ENPP2: variants seen among roughly 807,000 people sequenced by gnomAD.
The protein encoded by ENPP2 is ectonucleotide pyrophosphatase/phosphodiesterase 2.
In ENPP2, 51 loss-of-function variants were observed where a neutral mutation model predicts 120.2. The ratio of observed to expected loss-of-function variants is 0.42; its 90% CI spans 0.34 to 0.54. The LOEUF (loss-of-function observed/expected upper bound fraction) is 0.54. Among genes scored for constraint, ENPP2 ranks in the 20% least tolerant of loss-of-function variants. The probability of loss-of-function intolerance (pLI) is 0.04; values close to 1 mark genes in which losing one functional copy is unlikely to be tolerated. For missense variants in ENPP2, 920 were observed against 1,066.5 expected (o/e 0.86, Z 1.91); for synonymous variants, 365 against 366.4 (o/e 1.00, Z 0.04).
chr8:119,584,958 C>A (rs1287159853), intron 15 of ENPP2, among the ~76,000 whole-genome samples: 1 of 152,140 alleles, frequency 6.6e-6, no homozygotes, highest in Non-Finnish European at 1.5e-5. Context: ...CTCAACAATG[C>A]AAGATGAGTT....
At chr8:119,599,603 A>C (rs1340028256) in intron 11 of ENPP2, among the ~76,000 whole-genome samples, 1 of 152,224 alleles carries the variant, frequency 6.6e-6, no homozygotes, top group Non-Finnish European at 1.5e-5. Context: ...TATGCTGAAA[A>C]TGTGGGAACA....
chr8:119,580,210 A>C, intron 18 of ENPP2, 43 bp from the exon 19 acceptor site: 1 of 1,516,230 alleles, frequency 6.6e-7, no homozygotes, highest in Non-Finnish European at 9.2e-7. Flanking sequence ...AAAGCAAATC[A>C]GAAATGTTCT....
intron 23 of ENPP2, among the ~76,000 whole-genome samples, chr8:119,564,582 G>A (rs892958240): frequency 6.6e-5 from 10 of 151,990 alleles, no homozygotes; most frequent in Admixed American, 6.6e-4. Context: ...GGAGGCTGAA[G>A]CAGGAGAATC....
At chr8:119,614,472 TGC>T (rs1815330223) in intron 8 of ENPP2, among the ~76,000 whole-genome samples, 1 of 152,286 alleles carries the variant, frequency 6.6e-6, no homozygotes, top group South Asian at 2.1e-4. Context: ...CTTGGTCAGA[TGC>T]GTCAACTTTG....
At chr8:119,622,496 C>T (rs1299015642) in intron 3 of ENPP2, among the ~76,000 whole-genome samples, 1 of 152,234 alleles carries the variant, frequency 6.6e-6, no homozygotes, top group African/African-American at 2.4e-5. Flanking sequence ...CTGCTTAATT[C>T]TTACATTTCA....
At chr8:119,667,624 T>G (rs992427386) in intron 1 of ENPP2, among the ~76,000 whole-genome samples, 2 of 152,230 alleles carry the variant, frequency 1.3e-5, no homozygotes, top group African/African-American at 4.8e-5. Flanking sequence ...TAATCCACTC[T>G]TGTCATCTTC....
At chr8:119,629,391 T>G (rs866060422) in intron 2 of ENPP2, among the ~76,000 whole-genome samples, 1 of 152,242 alleles carries the variant, frequency 6.6e-6, no homozygotes, top group South Asian at 2.1e-4. Flanking sequence ...CATGTTTTAC[T>G]TTTAAAATCA....
At chr8:119,669,174 A>G (rs1420716154) in intron 1 of ENPP2, among the ~76,000 whole-genome samples, 1 of 152,198 alleles carries the variant, frequency 6.6e-6, no homozygotes, top group African/African-American at 2.4e-5. Flanking sequence ...GCATGCCACT[A>G]AAGACATTCA....
chr8:119,673,354 C>T, exon 1 of ENPP2: 1 of 1,496,688 alleles, frequency 6.7e-7, no homozygotes, highest in African/African-American at 1.4e-5. Flanking sequence ...GGGAGCTGTG[C>T]TCGGGACGGC....
intron 1 of ENPP2, among the ~76,000 whole-genome samples, chr8:119,664,190 A>T (rs1431639945): frequency 6.6e-6 from 1 of 152,190 alleles, no homozygotes; most frequent in Non-Finnish European, 1.5e-5. Context: ...GCTACAAACT[A>T]TGTCTTTTCA....
intron 1 of ENPP2, among the ~76,000 whole-genome samples, chr8:119,670,578 C>T (rs1369687895): frequency 1.3e-5 from 2 of 152,130 alleles, no homozygotes; most frequent in African/African-American, 2.4e-5. Flanking sequence ...ATGGTAAGTG[C>T]TCTGACCCAC....
chr8:119,619,125 G>A (rs1001112212), intron 5 of ENPP2, 119 bp downstream of exon 5: 2 of 725,398 alleles, frequency 2.8e-6, no homozygotes, highest in African/African-American at 1.8e-5. Flanking sequence ...GTACTCATAA[G>A]TTTGCCTGTA....
At chr8:119,560,000 G>A in intron 24 of ENPP2, among the ~76,000 whole-genome samples, 1 of 152,100 alleles carries the variant, frequency 6.6e-6, no homozygotes, top group East Asian at 1.9e-4. Context: ...AAACCTGTAA[G>A]GACTTCAGTG....
upstream of ENPP2, among the ~76,000 whole-genome samples, chr8:119,643,089 G>A (rs570289964): frequency 6.6e-6 from 1 of 152,262 alleles, no homozygotes; most frequent in East Asian, 1.9e-4. Flanking sequence ...TCATTTAGCA[G>A]TAACTATAGC....
intron 1 of ENPP2, among the ~76,000 whole-genome samples, chr8:119,653,492 G>A (rs1817681776): frequency 6.6e-6 from 1 of 152,200 alleles, no homozygotes; most frequent in Admixed American, 6.5e-5. Context: ...CGGATGACAT[G>A]AGGGGGAAGC....
chr8:119,610,407 G>A (rs1190684410), intron 8 of ENPP2, among the ~76,000 whole-genome samples: 1 of 151,366 alleles, frequency 6.6e-6, no homozygotes, highest in Admixed American at 6.6e-5. Flanking sequence ...AAAATGAAAA[G>A]CACATTTTCC....
At chr8:119,660,885 A>G (rs1359311819) in intron 1 of ENPP2, among the ~76,000 whole-genome samples, 4 of 152,238 alleles carry the variant, frequency 2.6e-5, no homozygotes, top group Non-Finnish European at 4.4e-5. Context: ...AACAGAAGGC[A>G]GCCGCACAAC....
At chr8:119,658,012 C>T (rs896873404) in intron 1 of ENPP2, among the ~76,000 whole-genome samples, 47 of 152,254 alleles carry the variant, frequency 3.1e-4, no homozygotes, top group African/African-American at 1.1e-3. Flanking sequence ...TGTTGCTGTT[C>T]AAGTTCCTTC....
chr8:119,644,170 A>G (rs903078752), intron 1 of ENPP2, among the ~76,000 whole-genome samples: 4 of 152,082 alleles, frequency 2.6e-5, no homozygotes, highest in African/African-American at 9.7e-5. Flanking sequence ...TCAGATTTTG[A>G]AGCATTAATC....
Sources: gnomAD v4.1 joint callset for allele counts (sites outside exome capture counted in the v4.1 genomes callset) on GRCh38, gnomAD v4.1.1 for gene constraint, MANE v1.5 for transcripts, NCBI Gene and HGNC (gene_info 2026-07-23, HGNC 2026-07-21) for gene names.